Variants in PMS1 observed in about 807,000 individuals in gnomAD.
The protein encoded by PMS1 is PMS1 protein homolog 1.
A neutral mutation model predicts 93.1 loss-of-function variants in PMS1; 79 were observed. That is an observed-to-expected ratio of 0.85 (90% CI 0.71 to 1.02). The LOEUF is 1.02. Ranked by LOEUF, PMS1 falls within the 50% of genes least tolerant of loss-of-function variation. The probability of loss-of-function intolerance (pLI) is 0.00; values close to 1 mark genes in which losing one functional copy is unlikely to be tolerated. For missense variants in PMS1, 1,064 were observed against 1,085.3 expected, an observed-to-expected ratio of 0.98 and a Z score of 0.28; for synonymous variants, 335 against 363.4, an observed-to-expected ratio of 0.92 and a Z score of 0.89.
intron 9 of PMS1, among the ~76,000 whole-genome samples, chr2:189,860,934 T>C (rs568737877): frequency 6.6e-6 from 1 of 151,154 alleles, no homozygotes; most frequent in East Asian, 1.9e-4. Flanking sequence ...ATGGTATATC[T>C]TTTTTTCAGT....
chr2:189,864,121 G>A lies in PMS1; in HGVS notation c.2235G>A (p.Met745Ile). 1.2e-6 allele frequency: 2 copies of A among 1,613,234 alleles called. No individual in the cohort carries two copies. Among genetic ancestry groups the A allele is most frequent in the Non-Finnish European group, 8.5e-7 (1 of 1,179,434 alleles). The change falls in exon 10 of 13, where the codon ATG (methionine) becomes ATA (isoleucine). Residue 745 changes from methionine (M) to isoleucine (I), a missense_variant. Physicochemically the swap from Met to Ile is conservative, Grantham distance 10. Coordinates refer to ENST00000441310, the MANE Select transcript of PMS1 (RefSeq NM_000534.5). ...TAATGACATCCAAAACAGAGGTAAT[G>A]TTATTAAATCCATATAGAGTAGAAG... Reference protein sequence around the residue: ...AWLMTSKTEVMLLNPYRVEEA... With the variant: ...AWLMTSKTEVILLNPYRVEEA...
At chr2:189,869,521 A>G (rs2056951811) in intron 11 of PMS1, among the ~76,000 whole-genome samples, 1 of 152,130 alleles carries the variant, frequency 6.6e-6, no homozygotes, top group South Asian at 2.1e-4. Flanking sequence ...TTTTTTCATG[A>G]AAGATATTAA....
Position 189,791,843 on chromosome 2 carries a change from C to T in PMS1, c.34C>T (p.Leu12Phe), listed in dbSNP as rs374261058. ...KQLPAATVRL[L>F]SSSQIITSVV... ...ATTGCCTGCGGCAACAGTTCGACTC[C>T]TTTCAAGTTCTCAGATCATCACTTC... Residue 12 changes from leucine to phenylalanine, a missense_variant, in exon 2 of 13, where the codon CTT (leucine) becomes TTT (phenylalanine). Coordinates refer to ENST00000441310, the MANE Select transcript of PMS1 (RefSeq NM_000534.5). 4.8e-5 allele frequency: 77 copies of T among 1,613,838 alleles called. No individual in the cohort carries two copies. Among genetic ancestry groups the T allele is most frequent in the Non-Finnish European group, 5.1e-5 (60 of 1,179,870 alleles).
At chr2:189,842,890 A>C (rs1208432432) in intron 5 of PMS1, among the ~76,000 whole-genome samples, 10 of 151,842 alleles carry the variant, frequency 6.6e-5, no homozygotes, top group Non-Finnish European at 1.5e-4. Flanking sequence ...CAAGGGGGGA[A>C]ATTACTATCA....
chr2:189,874,443 A>G (rs2057396341), intron 12 of PMS1, among the ~76,000 whole-genome samples: 1 of 152,232 alleles, frequency 6.6e-6, no homozygotes, highest in Admixed American at 6.5e-5. Context: ...TTCACCACAA[A>G]AGAGAAATGT....
intron 3 of PMS1, among the ~76,000 whole-genome samples, chr2:189,798,285 T>C (rs1366188867): frequency 1.3e-5 from 2 of 152,240 alleles, no homozygotes; most frequent in African/African-American, 4.8e-5. Flanking sequence ...TTTTGGGCTT[T>C]TCTGGCTGTG....
At chr2:189,796,778 G>A (rs1006068859) in intron 3 of PMS1, among the ~76,000 whole-genome samples, 1 of 152,044 alleles carries the variant, frequency 6.6e-6, no homozygotes, top group Non-Finnish European at 1.5e-5. Flanking sequence ...TTCATCGGTG[G>A]ACACCTGGGT....
intron 6 of PMS1, among the ~76,000 whole-genome samples, chr2:189,848,667 G>A (rs575852167): frequency 6.6e-6 from 1 of 152,218 alleles, no homozygotes; most frequent in South Asian, 2.1e-4. Flanking sequence ...TGGTAAGCAT[G>A]TGTTAATGTT....
intron 5 of PMS1, among the ~76,000 whole-genome samples, chr2:189,824,177 T>C (rs1055164895): frequency 2.6e-5 from 4 of 152,148 alleles, no homozygotes; most frequent in African/African-American, 9.7e-5. Flanking sequence ...GTTTCTACCT[T>C]GATTTTTTTC....
In PMS1 at chr2:189,863,946, A is replaced by G; in HGVS notation, c.2060A>G (p.Glu687Gly). Reference sequence around the variant, plus strand: ...GATGAACTCCTTCAGTCCCAAATTGAAAAAAGAAGGAGTCAAAATATTAAA... The same window carrying G: ...GATGAACTCCTTCAGTCCCAAATTGGAAAAAGAAGGAGTCAAAATATTAAA... ...KLDELLQSQI[E>G]KRRSQNIKMV... The change falls in exon 10 of 13, where the codon GAA (glutamate) becomes GGA (glycine). Residue 687 changes from glutamate (E) to glycine (G), a missense_variant. By Grantham distance (98) the Glu-to-Gly change is moderately conservative. Coordinates refer to ENST00000441310, the MANE Select transcript of PMS1 (RefSeq NM_000534.5). The G allele has an allele frequency of 6.2e-7, 1 of 1,610,214 alleles. No individual in the cohort carries two copies. The highest frequency in any genetic ancestry group is 1.1e-5 in the South Asian group (1 of 90,396).
intron 5 of PMS1, among the ~76,000 whole-genome samples, chr2:189,837,583 G>A (rs1378728635): frequency 6.6e-6 from 1 of 152,218 alleles, no homozygotes; most frequent in Non-Finnish European, 1.5e-5. Flanking sequence ...GCAGAAGCCA[G>A]TAGTTTGCCT....
intron 4 of PMS1, among the ~76,000 whole-genome samples, chr2:189,816,143 T>G: frequency 6.6e-6 from 1 of 152,226 alleles, no homozygotes. Context: ...GCCATCCTAC[T>G]GCCTAAGGCT....
At chr2:189,845,147 C>T (rs1222741059) in intron 6 of PMS1, among the ~76,000 whole-genome samples, 1 of 152,176 alleles carries the variant, frequency 6.6e-6, no homozygotes, top group East Asian at 1.9e-4. Flanking sequence ...CGTGAGCCAC[C>T]ACGCCCAGCC....
chr2:189,786,723 ATTAC>A (rs1283244050), intron 1 of PMS1, among the ~76,000 whole-genome samples: 6 of 152,218 alleles, frequency 3.9e-5, no homozygotes, highest in Non-Finnish European at 5.9e-5. Context: ...CATGTTGGCT[ATTAC>A]TTTTATTATC....
chr2:189,849,323 TG>T (rs1474488704), intron 6 of PMS1, among the ~76,000 whole-genome samples: 1 of 152,196 alleles, frequency 6.6e-6, no homozygotes, highest in Non-Finnish European at 1.5e-5. Context: ...TCCTCATCAT[TG>T]CCTGATTTTA....
chr2:189,831,078 A>T (rs1397417243), intron 5 of PMS1, among the ~76,000 whole-genome samples: 1 of 152,198 alleles, frequency 6.6e-6, no homozygotes, highest in African/African-American at 2.4e-5. Flanking sequence ...GGTTATGTGG[A>T]TAAAATGGTC....
rs1172503363 is a variant in PMS1 at position 189,867,913 on chromosome 2, G to C, written c.2457G>C (p.Lys819Asn). Reference sequence around the variant, plus strand: ...CTCGTCTTACAGCGAATGGTTTCAAGATAAAATTGATACCAGGTATGATAG... The same window carrying C: ...CTCGTCTTACAGCGAATGGTTTCAACATAAAATTGATACCAGGTATGATAG... ...SDPRLTANGF[K>N]IKLIPGVSIT... is the part of the protein sequence containing the mutation. The change falls in exon 11 of 13, where the codon AAG (lysine) becomes AAC (asparagine). Residue 819 changes from lysine to asparagine, a missense_variant. Transcript: ENST00000441310. The C allele has an allele frequency of 6.2e-7, 1 of 1,610,388 alleles. No individual in the cohort carries two copies. The highest frequency in any genetic ancestry group is 1.7e-5 in the Admixed American group (1 of 60,024).
intron 4 of PMS1, among the ~76,000 whole-genome samples, chr2:189,812,134 C>G (rs1236455522): frequency 2.0e-5 from 3 of 152,146 alleles, no homozygotes; most frequent in Non-Finnish European, 4.4e-5. Flanking sequence ...AACCCTGTTT[C>G]TACTAAAAAT....
intron 11 of PMS1, among the ~76,000 whole-genome samples, chr2:189,870,820 A>G (rs936234026): frequency 6.6e-6 from 1 of 152,152 alleles, no homozygotes; most frequent in Non-Finnish European, 1.5e-5. Flanking sequence ...CTTTTTGCCT[A>G]CCACACACAG....
Sources: allele counts gnomAD v4.1 joint callset (sites outside exome capture counted in the v4.1 genomes callset), GRCh38; gene constraint gnomAD v4.1.1; transcripts MANE v1.5; gene names NCBI Gene and HGNC (gene_info 2026-07-23, HGNC 2026-07-21).